The following RBFOX1 variants were observed in gnomAD, a reference collection of about 807,000 sequenced individuals.
RBFOX1 encodes RNA binding fox-1 homolog 1.
In RBFOX1, 8 loss-of-function variants were observed where a neutral mutation model predicts 57.7. That is an observed-to-expected ratio of 0.14 (90% confidence interval 0.08 to 0.25). The LOEUF (loss-of-function observed/expected upper bound fraction) is 0.25, where lower values mean the gene tolerates loss of function less well. Among genes scored for constraint, RBFOX1 ranks in the 10% least tolerant of loss-of-function variants. The pLI, the probability that RBFOX1 is intolerant of heterozygous loss-of-function variation, is 1.00. For synonymous variants in RBFOX1, 326 were observed against 222.4 expected, an observed-to-expected ratio of 1.47 and a Z score of -4.15; for missense variants, 611 against 548.5, an observed-to-expected ratio of 1.11 and a Z score of -1.14.
At chr16:7,495,074 G>T (rs536491206) in intron 4 of RBFOX1, among the ~76,000 whole-genome samples, 1 of 151,952 alleles carries the variant, frequency 6.6e-6, no homozygotes, top group Non-Finnish European at 1.5e-5. Flanking sequence ...TGTGATACTC[G>T]TTTTCTGTTC....
At chr16:6,522,151 C>A (rs75572482) in intron 2 of RBFOX1, among the ~76,000 whole-genome samples, 1 of 129,964 alleles carries the variant, frequency 7.7e-6, no homozygotes, top group Non-Finnish European at 1.6e-5. Flanking sequence ...TCTGGGGACC[C>A]ACAGTGTGTG....
At chr16:5,473,081 T>G (rs982771151) in intron 2 of RBFOX1, among the ~76,000 whole-genome samples, 2 of 152,230 alleles carry the variant, frequency 1.3e-5, no homozygotes, top group African/African-American at 4.8e-5. Flanking sequence ...GAGGAGACTT[T>G]GATGACTGCC....
chr16:5,852,254 T>C (rs1463608792), intron 3 of RBFOX1, among the ~76,000 whole-genome samples: 1 of 152,102 alleles, frequency 6.6e-6, no homozygotes, highest in Non-Finnish European at 1.5e-5. Flanking sequence ...TCAAATGCCC[T>C]CCCTCCCTGC....
At chr16:6,083,063 A>G (rs1280848726) in intron 1 of RBFOX1, among the ~76,000 whole-genome samples, 4 of 151,954 alleles carry the variant, frequency 2.6e-5, no homozygotes. Context: ...GTGCAGTGGC[A>G]TGATCTCGGC....
intron 3 of RBFOX1, among the ~76,000 whole-genome samples, chr16:6,959,026 C>A (rs948516826): frequency 1.3e-5 from 2 of 152,072 alleles, no homozygotes; most frequent in African/African-American, 4.8e-5. Context: ...AATGGACAGT[C>A]ATTTTTCAGA....
chr16:7,696,566 C>T (rs1240618939), intron 14 of RBFOX1, among the ~76,000 whole-genome samples: 1 of 147,742 alleles, frequency 6.8e-6, no homozygotes, highest in Non-Finnish European at 1.5e-5. Flanking sequence ...ATTAATATCT[C>T]TAGTCCTTTG....
chr16:7,080,894 C>T (rs1438704766), intron 4 of RBFOX1, among the ~76,000 whole-genome samples: 3 of 152,188 alleles, frequency 2.0e-5, no homozygotes, highest in Admixed American at 2.0e-4. Flanking sequence ...TCATTCCCTC[C>T]TTGACGTTCG....
chr16:6,209,468 G>A (rs770738680), intron 1 of RBFOX1, among the ~76,000 whole-genome samples: 29 of 152,168 alleles, frequency 1.9e-4, no homozygotes, highest in Non-Finnish European at 3.4e-4. Flanking sequence ...GCTTAATGCC[G>A]TCTCATCTAA....
chr16:7,599,461 T>TC (rs1377609735), intron 9 of RBFOX1, among the ~76,000 whole-genome samples: 4 of 151,904 alleles, frequency 2.6e-5, no homozygotes, highest in Non-Finnish European at 5.9e-5. Flanking sequence ...TGTAGGATTT[T>TC]TTAACACAAT....
chr16:6,697,140 A>T (rs1254992073), intron 3 of RBFOX1, among the ~76,000 whole-genome samples: 1 of 152,192 alleles, frequency 6.6e-6, no homozygotes, highest in Non-Finnish European at 1.5e-5. Flanking sequence ...ATATTCAGGG[A>T]TTGACTAGAG....
chr16:6,822,553 C>T (rs141992627), intron 3 of RBFOX1, among the ~76,000 whole-genome samples: 1 of 152,210 alleles, frequency 6.6e-6, no homozygotes, highest in African/African-American at 2.4e-5. Flanking sequence ...ACATGTCTTG[C>T]CGTGCACAGT....
At chr16:7,587,462 C>T (rs549985220) in intron 7 of RBFOX1, among the ~76,000 whole-genome samples, 162 bp downstream of exon 7, 4 of 152,262 alleles carry the variant, frequency 2.6e-5, no homozygotes, top group East Asian at 3.9e-4. Flanking sequence ...GTGGGAAAGA[C>T]ATCGGGTTCA....
chr16:6,389,834 T>C (rs1433502037), intron 2 of RBFOX1, among the ~76,000 whole-genome samples: 1 of 152,134 alleles, frequency 6.6e-6, no homozygotes, highest in Non-Finnish European at 1.5e-5. Flanking sequence ...AGAATAAAAA[T>C]TGATGCTGTC....
intron 4 of RBFOX1, among the ~76,000 whole-genome samples, chr16:5,961,297 A>G (rs1277335113): frequency 6.6e-6 from 1 of 152,128 alleles, no homozygotes; most frequent in African/African-American, 2.4e-5. Flanking sequence ...CCATTAGGTA[A>G]GTACTACTTA....
chr16:7,593,993 T>C (rs1348392264), intron 7 of RBFOX1, among the ~76,000 whole-genome samples: 1 of 152,194 alleles, frequency 6.6e-6, no homozygotes. Flanking sequence ...TGTTTTATTA[T>C]ACTTTAAGTT....
chr16:6,858,889 A>T (rs1169968730), intron 3 of RBFOX1, among the ~76,000 whole-genome samples: 1 of 151,796 alleles, frequency 6.6e-6, no homozygotes, highest in Non-Finnish European at 1.5e-5. Context: ...CTCAGCTATA[A>T]CTACAGTATC....
chr16:5,880,160 G>A (rs2057727440), intron 4 of RBFOX1, among the ~76,000 whole-genome samples: 1 of 152,136 alleles, frequency 6.6e-6, no homozygotes, highest in African/African-American at 2.4e-5. Context: ...TTCCATTCAT[G>A]TCACTGCAGT....
At chr16:6,577,428 C>G (rs913709554) in intron 2 of RBFOX1, 1 of 152,194 alleles carries the variant, frequency 6.6e-6, no homozygotes, top group Non-Finnish European at 1.5e-5. Context: ...TTTTTATGTG[C>G]TGTCTCCTTT....
intron 2 of RBFOX1, among the ~76,000 whole-genome samples, chr16:6,560,001 C>G (rs185868398): frequency 5.3e-5 from 8 of 152,208 alleles, no homozygotes; most frequent in African/African-American, 1.7e-4. Context: ...GTTCTTCAAG[C>G]CCATTGAGTT....
Sources: gnomAD v4.1 joint callset for allele counts (sites outside exome capture counted in the v4.1 genomes callset) on GRCh38, gnomAD v4.1.1 for gene constraint, MANE v1.5 for transcripts, NCBI Gene and HGNC (gene_info 2026-07-23, HGNC 2026-07-21) for gene names.